The following PCDHGA4 variants were observed in gnomAD, a reference collection of about 807,000 sequenced individuals.
PCDHGA4 encodes protocadherin gamma-A4.
PCDHGA4 carries 38 observed loss-of-function variants against 54.6 expected under a neutral mutation model. The ratio of observed to expected loss-of-function variants is 0.70; its 90% CI spans 0.54 to 0.91. PCDHGA4 has a LOEUF of 0.91. Among genes scored for constraint, PCDHGA4 ranks in the 40% least tolerant of loss-of-function variants. The pLI is 0.00. For missense variants in PCDHGA4, 1,298 were observed against 1,220.9 expected (o/e 1.06, Z -0.94); for synonymous variants, 511 against 512.9 (o/e 1.00, Z 0.05).
At chr5:141,494,364 G>A (rs1461560857) in intron 1 of PCDHGA4, among the ~76,000 whole-genome samples, 1 of 152,202 alleles carries the variant, frequency 6.6e-6, no homozygotes, top group African/African-American at 2.4e-5. Context: ...TGCAGAGGAT[G>A]CTTTGTTCCC....
Position 141,356,141 on chromosome 5 carries a change from T to C in PCDHGA4, c.1034T>C (p.Phe345Ser), listed in dbSNP as rs1292907004. Residue 345 changes from phenylalanine (F) to serine (S), a missense_variant, in exon 1 of 4, where the codon TTC becomes TCC. By Grantham distance (155) the Phe-to-Ser change is radical. Coordinates refer to ENST00000571252, the MANE Select transcript of PCDHGA4 (RefSeq NM_018917.4). ...GGTCTAGATTATGAGGACTCTGGAT[T>C]CTATGACATAGATGTAGAAGCCCAT... ...LGGLDYEDSG[F>S]YDIDVEAHDG... The C allele has an allele frequency of 3.7e-6, 6 of 1,613,710 alleles. No individual in the cohort carries two copies. The highest frequency in any genetic ancestry group is 3.3e-5 in the Admixed American group (2 of 59,988).
In PCDHGA4 at chr5:141,356,322, T is replaced by A; in HGVS notation, c.1215T>A (p.Ser405Arg). 3.2e-6 allele frequency: 5 copies of A among 1,554,272 alleles called. No homozygotes were observed. The highest frequency in any genetic ancestry group is 4.4e-6 in the Non-Finnish European group (5 of 1,148,346). The part of the protein sequence containing the change: ...TVIALFNVHD[S>R]DSGGNGLVTC... ...TTGCACTTTTCAACGTGCATGACAGTGACTCAGGAGGAAATGGCCTAGTCA... is the reference window on the plus strand; with the variant it reads ...TTGCACTTTTCAACGTGCATGACAGAGACTCAGGAGGAAATGGCCTAGTCA... The change falls in exon 1 of 4, where the codon AGT becomes AGA. Residue 405 changes from serine (S) to arginine (R), a missense_variant. Ser to Arg is a moderately radical substitution (Grantham distance 110). Transcript: ENST00000571252.
intron 2 of PCDHGA4, among the ~76,000 whole-genome samples, chr5:141,500,311 C>T (rs2099799036): frequency 2.0e-5 from 3 of 152,072 alleles, no homozygotes; most frequent in African/African-American, 7.2e-5. Context: ...CAGGTTCACG[C>T]CATGCTCCTG....
intron 1 of PCDHGA4, among the ~76,000 whole-genome samples, chr5:141,444,152 ATTTTTTTTTTTTTTTT>A (rs747671382): frequency 6.3e-3 from 214 of 33,896 alleles, no homozygotes; most frequent in African/African-American, 0.023. Flanking sequence ...TGTGTACTGG[ATTTTTTTTTTTTTTTT>A]TTTTTTTTTT....
At chr5:141,459,885 C>A (rs1333668105) in intron 1 of PCDHGA4, among the ~76,000 whole-genome samples, 1 of 152,106 alleles carries the variant, frequency 6.6e-6, no homozygotes, top group East Asian at 1.9e-4. Flanking sequence ...CTGAGCTGAA[C>A]GCCTTCTTAA....
chr5:141,494,891 C>G, intron 2 of PCDHGA4, 26 bp downstream of exon 2: 1 of 1,614,098 alleles, frequency 6.2e-7, no homozygotes. Flanking sequence ...TCCAGCCCAC[C>G]CTCTTCTCTG....
At chr5:141,448,602 A>G (rs1350132402) in intron 1 of PCDHGA4, among the ~76,000 whole-genome samples, 1 of 152,154 alleles carries the variant, frequency 6.6e-6, no homozygotes, top group Non-Finnish European at 1.5e-5. Flanking sequence ...AAAATACTAT[A>G]CACCACTTTA....
At chr5:141,367,748 C>T (rs1765315661) in intron 1 of PCDHGA4, 1 of 152,176 alleles carries the variant, frequency 6.6e-6, no homozygotes, top group African/African-American at 2.4e-5. Flanking sequence ...CAGAGAGTTA[C>T]ATACTGCTGC....
chr5:141,454,693 A>G (rs951819293), intron 1 of PCDHGA4, among the ~76,000 whole-genome samples: 1 of 151,738 alleles, frequency 6.6e-6, no homozygotes, highest in Non-Finnish European at 1.5e-5. Context: ...GGCATGAGCC[A>G]CCATGCTCCA....
intron 1 of PCDHGA4, among the ~76,000 whole-genome samples, chr5:141,443,789 A>G (rs1316614117): frequency 6.6e-6 from 1 of 152,234 alleles, no homozygotes; most frequent in East Asian, 1.9e-4. Context: ...GACAAAAAAA[A>G]TGAAAAGGAA....
At chr5:141,360,535 A>T in intron 1 of PCDHGA4, 1 of 1,613,976 alleles carries the variant, frequency 6.2e-7, no homozygotes, top group Non-Finnish European at 8.5e-7. Flanking sequence ...CCCGCTATTC[A>T]AACAGACTAA....
chr5:141,418,807 G>A (rs1400599346), intron 1 of PCDHGA4: 2 of 1,613,650 alleles, frequency 1.2e-6, no homozygotes, highest in African/African-American at 1.3e-5. Context: ...AAAGATATAC[G>A]ATAAACATAG....
chr5:141,422,961 G>A, intron 1 of PCDHGA4: 1 of 1,614,234 alleles, frequency 6.2e-7, no homozygotes, highest in Non-Finnish European at 8.5e-7. Flanking sequence ...GCGTGGAGCT[G>A]GCGCCCCGCT....
At position 141,430,919 on chromosome 5, in the gene PCDHGA4, C is replaced by A. The variant is rs377613499; in HGVS notation, c.2515-63888C>A. The A allele has an allele frequency of 6.2e-7, 1 of 1,607,492 alleles. No homozygotes were observed. Among genetic ancestry groups the A allele is most frequent in the Admixed American group, 1.7e-5 (1 of 58,806 alleles). The stretch of plus-strand genomic sequence containing the variant: ...GGGCGACATCTCCAGGGACCTGGGG[C>A]TGGAGCCCCGGGAGCTCGCGGAGCG... On this transcript the variant is annotated intron_variant, in intron 1 of 3. Transcript: ENST00000571252.
At chr5:141,360,076 T>C (rs890042967) in intron 1 of PCDHGA4, 1 of 1,480,118 alleles carries the variant, frequency 6.8e-7, no homozygotes, top group Non-Finnish European at 9.0e-7. Context: ...TTAGCCCGGA[T>C]TCTGCCATCC....
chr5:141,487,822 G>C lies in PCDHGA4; in HGVS notation c.2515-6985G>C. On this transcript the variant is annotated intron_variant, in intron 1 of 3. Coordinates refer to ENST00000571252, the MANE Select transcript of PCDHGA4 (RefSeq NM_018917.4). The surrounding 1 kb of genome is among the most constrained non-coding windows in gnomAD (Gnocchi z 5.0). ...TGTCACAGTTTAGCATTGGGGGCGGGTCATGCCTATATCTGAGTAAGAAAT... is the reference window on the plus strand; with the variant it reads ...TGTCACAGTTTAGCATTGGGGGCGGCTCATGCCTATATCTGAGTAAGAAAT... 1 of 1,278,758 alleles carries C rather than the reference G, an allele frequency of 7.8e-7. No individual in the cohort carries two copies. The highest frequency in any genetic ancestry group is 1.4e-5 in the South Asian group (1 of 69,172). The allele number at this position is 1,278,758 out of a possible 1,614,324, so 79.2% of individuals were successfully genotyped here. A position where few individuals can be genotyped will look rare whatever the true frequency, so the allele number is the denominator to read the frequency against.
chr5:141,423,121 G>T lies in PCDHGA4; in HGVS notation c.2514+65500G>T, dbSNP rs368205535. The T allele has an allele frequency of 5.6e-6, 9 of 1,613,680 alleles. No homozygotes were observed. The African/African-American group carries it at 1.1e-4, about 19-fold the overall frequency. ...CACGGGCGAGGTGCGTACAGCGCGG[G>T]CACTGCTGGACAGAGACGCGCTCAA... On this transcript the variant is annotated intron_variant, in intron 1 of 3. Coordinates refer to ENST00000571252, the MANE Select transcript of PCDHGA4 (RefSeq NM_018917.4).
At position 141,494,841 on chromosome 5, in the gene PCDHGA4, A is replaced by G. The variant is rs1163193977; in HGVS notation, c.2549A>G (p.Gln850Arg). ...APPNTDWRFS[Q>R]AQRPGTSGSQ... ...CCCAACACGGACTGGCGTTTCTCTC[A>G]GGCCCAGAGACCCGGCACCAGCGGG... The change falls in exon 2 of 4, where the codon CAG (glutamine) becomes CGG (arginine). Residue 850 changes from glutamine to arginine, a missense_variant. Gln to Arg is a conservative substitution (Grantham distance 43). Coordinates refer to ENST00000571252, the MANE Select transcript of PCDHGA4 (RefSeq NM_018917.4). 1 of 1,613,996 alleles carries G rather than the reference A, an allele frequency of 6.2e-7. No homozygotes were observed. The highest frequency in any genetic ancestry group is 1.1e-5 in the South Asian group (1 of 91,074).
chr5:141,414,283 G>A, intron 1 of PCDHGA4: 1 of 1,613,520 alleles, frequency 6.2e-7, no homozygotes, highest in South Asian at 1.1e-5. Flanking sequence ...GGGAACAGTC[G>A]TAGCCCTTTT....
Sources: gnomAD v4.1 joint callset for allele counts (sites outside exome capture counted in the v4.1 genomes callset) on GRCh38, gnomAD v4.1.1 for gene constraint, Gnocchi (gnomAD v3.1) non-coding constraint, MANE v1.5 for transcripts, NCBI Gene and HGNC (gene_info 2026-07-23, HGNC 2026-07-21) for gene names.